AHCTF1: variants seen among roughly 807,000 people sequenced by gnomAD.
The protein encoded by AHCTF1 is protein ELYS.
AHCTF1 carries 24 observed loss-of-function variants against 248.4 expected under a neutral mutation model. That is an observed-to-expected ratio of 0.10 (90% confidence interval 0.07 to 0.14). The LOEUF is 0.14. Ranked by LOEUF, AHCTF1 falls within the 10% of genes least tolerant of loss-of-function variation. The pLI is 1.00. For missense variants in AHCTF1, 2,206 were observed against 2,636.2 expected (o/e 0.84, Z 3.57); for synonymous variants, 786 against 929.8 (o/e 0.85, Z 2.81).
chr1:246,862,603 G>T (rs1661649456), intron 27 of AHCTF1, among the ~76,000 whole-genome samples: 1 of 152,012 alleles, frequency 6.6e-6, no homozygotes, highest in South Asian at 2.1e-4. Context: ...TTTCTGCAAA[G>T]AAAATACAAA....
In AHCTF1 at chr1:246,888,449, T is replaced by C; in HGVS notation, c.2213A>G (p.Lys738Arg). The C allele has an allele frequency of 6.2e-7, 1 of 1,613,436 alleles. No homozygotes were observed. Among genetic ancestry groups the C allele is most frequent in the Non-Finnish European group, 8.5e-7 (1 of 1,180,012 alleles). Residue 738 changes from lysine to arginine, a missense_variant, in exon 18 of 36, where the codon AAG becomes AGG. Lys to Arg is a conservative substitution (Grantham distance 26). This residue lies in a region of AHCTF1 where 650 missense variants were observed against 870.8 expected (regional missense o/e 0.75). Coordinates refer to ENST00000648844, the MANE Select transcript of AHCTF1 (RefSeq NM_001323342.2). The part of the protein sequence containing the change: ...LVSQLGERIE[K>R]LWKRDEGGTG... ...GCCTCCTTCATCTCGTTTCCACAACTTCTCAATTCGCTCTCCTAACTGAGA... is the reference window on the plus strand; with the variant it reads ...GCCTCCTTCATCTCGTTTCCACAACCTCTCAATTCGCTCTCCTAACTGAGA...
chr1:246,855,269 C>T (rs1302626030), intron 31 of AHCTF1, among the ~76,000 whole-genome samples: 2 of 152,166 alleles, frequency 1.3e-5, no homozygotes, highest in African/African-American at 4.8e-5. Context: ...TTCCTCATCT[C>T]TGTATAGCCA....
chr1:246,853,339 A>G, intron 31 of AHCTF1, 40 bp from the exon 32 acceptor site: 2 of 1,524,222 alleles, frequency 1.3e-6, no homozygotes, highest in Non-Finnish European at 1.8e-6. Context: ...TTTAAACTGA[A>G]AAATAAATCC....
intron 21 of AHCTF1, among the ~76,000 whole-genome samples, chr1:246,884,585 T>C (rs1211935739): frequency 6.6e-6 from 1 of 152,234 alleles, no homozygotes; most frequent in Non-Finnish European, 1.5e-5. Flanking sequence ...TTCTCCAGCT[T>C]AGTTCGTAAG....
chr1:246,887,083 A>T, intron 20 of AHCTF1, 128 bp downstream of exon 20: 1 of 1,040,678 alleles, frequency 9.6e-7, no homozygotes, highest in Non-Finnish European at 1.4e-6. Flanking sequence ...GGTACTGATT[A>T]AACTGGGTCC....
intron 6 of AHCTF1, among the ~76,000 whole-genome samples, chr1:246,904,931 TGAA>T (rs757250019): frequency 6.6e-6 from 1 of 152,162 alleles, no homozygotes; most frequent in Non-Finnish European, 1.5e-5. Flanking sequence ...CAAGTATATT[TGAA>T]GAATAAGAGA....
Position 246,889,843 on chromosome 1 carries a change from A to G in AHCTF1, c.2144+123T>C, listed in dbSNP as rs569959238. 9.9e-5 allele frequency: 63 copies of G among 633,208 alleles called. No individual in the cohort carries two copies. In the South Asian group the frequency reaches 1.3e-3, roughly 13 times the overall value. 39.2% of individuals were successfully genotyped at this position (633,208 alleles called of 1,614,324 possible). The stretch of plus-strand genomic sequence containing the variant: ...AAAAGAGAAATAAAATAGTAATGGT[A>G]ATAGCAAATTCTGATACTTAACTGA... On this transcript the variant is annotated intron_variant, in intron 17 of 35. Coordinates refer to ENST00000648844, the MANE Select transcript of AHCTF1 (RefSeq NM_001323342.2).
At chr1:246,872,515 C>A (rs889019750) in intron 24 of AHCTF1, among the ~76,000 whole-genome samples, 1 of 152,204 alleles carries the variant, frequency 6.6e-6, no homozygotes, top group Non-Finnish European at 1.5e-5. Context: ...GACAACAGAA[C>A]TGCCTTCATT....
At chr1:246,923,271 T>C (rs1179066333) in intron 1 of AHCTF1, among the ~76,000 whole-genome samples, 1 of 151,226 alleles carries the variant, frequency 6.6e-6, no homozygotes, top group Non-Finnish European at 1.5e-5. Context: ...AAAAATTAGC[T>C]GGGCATGGTG....
intron 4 of AHCTF1, among the ~76,000 whole-genome samples, chr1:246,911,947 T>G (rs1449168789): frequency 6.6e-6 from 1 of 152,074 alleles, no homozygotes; most frequent in African/African-American, 2.4e-5. Context: ...GTTTTTGTTT[T>G]CTTTGAGATG....
At chr1:246,898,639 C>A (rs1158820393) in intron 11 of AHCTF1, among the ~76,000 whole-genome samples, 1 of 142,352 alleles carries the variant, frequency 7.0e-6, no homozygotes, top group Non-Finnish European at 1.6e-5. Context: ...CACACACACA[C>A]ACACACACAC....
chr1:246,912,408 G>A (rs551654589), intron 4 of AHCTF1, among the ~76,000 whole-genome samples: 5 of 151,796 alleles, frequency 3.3e-5, no homozygotes, highest in East Asian at 1.9e-4. Context: ...GCTTGAACAC[G>A]GGAGGCGGAG....
rs376540753 is a variant in AHCTF1 at position 246,909,886 on chromosome 1, A to G, written c.557-2128T>C. Among the ~76,000 whole-genome samples, 48 of 152,294 alleles carry G rather than the reference A, an allele frequency of 3.2e-4. 1 individual carries two copies. The highest frequency in any genetic ancestry group is 1.0e-3 in the African/African-American group (42 of 41,564). On this transcript the variant is annotated intron_variant, in intron 4 of 35. Transcript: ENST00000648844. The stretch of plus-strand genomic sequence containing the variant: ...CTAGTAGCAAGTAGCACCAGCAGTA[A>G]CAATCAAAAATGTCTTCTAACATTG...
At chr1:246,912,362 A>C (rs1350547636) in intron 4 of AHCTF1, among the ~76,000 whole-genome samples, 1 of 151,848 alleles carries the variant, frequency 6.6e-6, no homozygotes, top group East Asian at 1.9e-4. Flanking sequence ...GTGTGCCTGT[A>C]ATCTCAGCTA....
In AHCTF1 at chr1:246,861,262, T is replaced by C. The variant is rs375978705; in HGVS notation, c.3769A>G (p.Thr1257Ala). ...ACTGGAACTGCACATTTTTTAGGTG[T>C]AGTAAATACTTCTAATTTGCTATCA... ...ADDSKLEVFTTPKKCAVPVET... is the reference protein window; with the variant it reads ...ADDSKLEVFTAPKKCAVPVET... Residue 1257 changes from threonine (T) to alanine (A), a missense_variant, in exon 29 of 36, where the codon ACA (threonine) becomes GCA (alanine). Transcript: ENST00000648844. The C allele has an allele frequency of 1.9e-4, 309 of 1,610,952 alleles. No homozygotes were observed. Among genetic ancestry groups the C allele is most frequent in the Non-Finnish European group, 2.5e-4 (290 of 1,178,354 alleles).
intron 24 of AHCTF1, among the ~76,000 whole-genome samples, chr1:246,869,355 A>C (rs1032791783): frequency 6.6e-5 from 10 of 152,188 alleles, no homozygotes; most frequent in Admixed American, 5.2e-4. Flanking sequence ...TGTTCATGTG[A>C]AAGGAGGAGT....
chr1:246,855,854 G>A, intron 30 of AHCTF1, 27 bp from the exon 31 acceptor site: 1 of 1,569,312 alleles, frequency 6.4e-7, no homozygotes, highest in Non-Finnish European at 8.7e-7. Context: ...ACATACCTTA[G>A]TGTGTAAGAA....
chr1:246,885,548 T>C lies in AHCTF1; in HGVS notation c.2605A>G (p.Thr869Ala), dbSNP rs368600987. The change falls in exon 21 of 36, where the codon ACA (threonine) becomes GCA (alanine). Residue 869 changes from threonine (T) to alanine (A), a missense_variant. By Grantham distance (58) the Thr-to-Ala change is moderately conservative (BLOSUM62 0). Around this residue, in one of 6 missense-constraint regions of AHCTF1, gnomAD observed 650 missense variants for 870.8 expected, o/e 0.75. Coordinates refer to ENST00000648844, the MANE Select transcript of AHCTF1 (RefSeq NM_001323342.2). ...ALRYIQTMKP[T>A]VSSGNDVILH... ...ATAACATCGTTACCACTGGACACTG[T>C]TGGCTTCATTGTCTGAATATATCTG... is the stretch of plus-strand genomic sequence containing the variant. 70 of 1,611,408 alleles carry C rather than the reference T, an allele frequency of 4.3e-5. No homozygotes were observed. Among genetic ancestry groups the C allele is most frequent in the Middle Eastern group, 3.7e-4 (2 of 5,358 alleles).
intron 8 of AHCTF1, 98 bp from the exon 9 acceptor site, chr1:246,900,567 T>A: frequency 7.7e-7 from 1 of 1,293,026 alleles, no homozygotes; most frequent in Non-Finnish European, 1.1e-6. Context: ...AATTAAGCGG[T>A]TTAATTCATA....
Sources: gnomAD v4.1 joint callset for allele counts (sites outside exome capture counted in the v4.1 genomes callset) on GRCh38, gnomAD v4.1.1 for gene constraint, gnomAD v4.1.1 regional missense constraint, MANE v1.5 for transcripts, NCBI Gene and HGNC (gene_info 2026-07-23, HGNC 2026-07-21) for gene names.